The following KCNG3 variants were observed in gnomAD, a reference collection of about 807,000 sequenced individuals.
The protein encoded by KCNG3 is voltage-gated potassium channel regulatory subunit KCNG3.
In KCNG3, 15 loss-of-function variants were observed where a neutral mutation model predicts 29.0. That is an observed-to-expected ratio of 0.52 (90% confidence interval 0.35 to 0.80). The LOEUF (loss-of-function observed/expected upper bound fraction) is 0.80. KCNG3 is among the 30% of genes least tolerant of loss of function. The pLI is 0.01. For synonymous variants in KCNG3, 322 were observed against 248.9 expected (o/e 1.29, Z -2.76); for missense variants, 512 against 605.7 (o/e 0.85, Z 1.62).
At chr2:42,392,172 T>G in the KCNG3 span, among the ~76,000 whole-genome samples, 4 of 152,152 alleles carry the variant, frequency 2.6e-5, no homozygotes, top group Non-Finnish European at 5.9e-5. Context: ...CTTATAGGCA[T>G]GAACTCAGGA....
chr2:42,431,070 C>T, the KCNG3 span, among the ~76,000 whole-genome samples: 4 of 149,378 alleles, frequency 2.7e-5, no homozygotes, highest in African/African-American at 9.9e-5. Flanking sequence ...CATGCCACTG[C>T]ACTCCAGCCT....
chr2:42,472,145 C>A (rs547942832), intron 1 of KCNG3, among the ~76,000 whole-genome samples: 116 of 152,300 alleles, frequency 7.6e-4, no homozygotes, highest in Middle Eastern at 3.4e-3. Flanking sequence ...AGGTCTCCTA[C>A]ATGTGCACTG....
the KCNG3 span, among the ~76,000 whole-genome samples, chr2:42,431,197 A>G: frequency 6.6e-6 from 1 of 152,130 alleles, no homozygotes; most frequent in Non-Finnish European, 1.5e-5. Context: ...GCCATTATTC[A>G]AGCAGCCAAT....
intron 1 of KCNG3, among the ~76,000 whole-genome samples, chr2:42,485,026 T>G (rs1673685835): frequency 6.6e-6 from 1 of 152,234 alleles, no homozygotes. Flanking sequence ...ACTTAAAACC[T>G]ATTGGATTTA....
At chr2:42,394,940 T>C in the KCNG3 span, among the ~76,000 whole-genome samples, 1 of 152,200 alleles carries the variant, frequency 6.6e-6, no homozygotes, top group Non-Finnish European at 1.5e-5. Flanking sequence ...CTCCTTGGTG[T>C]AGTACTGAGC....
the KCNG3 span, among the ~76,000 whole-genome samples, chr2:42,417,957 G>C: frequency 6.6e-6 from 1 of 151,758 alleles, no homozygotes; most frequent in African/African-American, 2.4e-5. Flanking sequence ...GGGTGACAGA[G>C]TGAGACTCCA....
the KCNG3 span, among the ~76,000 whole-genome samples, chr2:42,413,370 A>T: frequency 6.6e-6 from 1 of 152,308 alleles, no homozygotes; most frequent in Admixed American, 6.5e-5. Flanking sequence ...ATATACTAAT[A>T]GTGATCACAG....
chr2:42,407,567 G>A, the KCNG3 span, among the ~76,000 whole-genome samples: 1 of 152,160 alleles, frequency 6.6e-6, no homozygotes, highest in Non-Finnish European at 1.5e-5. Flanking sequence ...AGCTCCCCAG[G>A]TGCAGCCACA....
At chr2:42,446,689 G>A (rs1572841040) in intron 1 of KCNG3, among the ~76,000 whole-genome samples, 1 of 152,072 alleles carries the variant, frequency 6.6e-6, no homozygotes, top group East Asian at 1.9e-4. Flanking sequence ...AGTGGTACTT[G>A]ATGTTACTCA....
chr2:42,411,109 A>G, the KCNG3 span, among the ~76,000 whole-genome samples: 1 of 151,956 alleles, frequency 6.6e-6, no homozygotes, highest in Non-Finnish European at 1.5e-5. Flanking sequence ...CATGCATTTT[A>G]ATCTTTTTGA....
At chr2:42,460,976 G>A (rs1673001006) in intron 1 of KCNG3, among the ~76,000 whole-genome samples, 1 of 151,702 alleles carries the variant, frequency 6.6e-6, no homozygotes, top group Non-Finnish European at 1.5e-5. Context: ...CCTGGCTAAC[G>A]TGGTGAAACC....
At chr2:42,473,962 G>A (rs1203407512) in intron 1 of KCNG3, among the ~76,000 whole-genome samples, 2 of 151,916 alleles carry the variant, frequency 1.3e-5, no homozygotes, top group East Asian at 3.9e-4. Flanking sequence ...GACCAGCCTG[G>A]CCAACATGGT....
chr2:42,437,939 CAAAAAA>C (rs58250880), downstream of KCNG3, among the ~76,000 whole-genome samples: 4 of 74,848 alleles, frequency 5.3e-5, no homozygotes, highest in African/African-American at 9.5e-5. Context: ...ACTCTGTCTC[CAAAAAA>C]AAAAAAAAAA....
In KCNG3 at chr2:42,457,668, C is replaced by CACACACACA. The variant is rs1553327831; in HGVS notation, c.666-13090_666-13089insTGTGTGTGT. Among the ~76,000 whole-genome samples the CACACACACA allele has an allele frequency of 8.2e-3, 1,225 of 149,580 alleles. 6 individuals are homozygous for CACACACACA. The highest frequency in any genetic ancestry group is 0.013 in the Non-Finnish European group (884 of 67,490). The stretch of plus-strand genomic sequence containing the variant: ...ACACACACACACACACACACACACA[C>CACACACACA]AAGGCTGGGCGCAGTGGCTCACACC... On this transcript the variant is annotated intron_variant, in intron 1 of 1. Coordinates refer to ENST00000306078, the MANE Select transcript of KCNG3 (RefSeq NM_133329.6).
At chr2:42,486,709 C>G (rs1273187143) in intron 1 of KCNG3, among the ~76,000 whole-genome samples, 1 of 152,226 alleles carries the variant, frequency 6.6e-6, no homozygotes, top group South Asian at 2.1e-4. Context: ...CTTTCACAAT[C>G]TGAAATGATT....
At chr2:42,460,989 G>A (rs919822558) in intron 1 of KCNG3, among the ~76,000 whole-genome samples, 3 of 151,832 alleles carry the variant, frequency 2.0e-5, no homozygotes, top group Non-Finnish European at 4.4e-5. Context: ...GTGAAACCCC[G>A]TCTCTACTAA....
chr2:42,488,685 G>A (rs1673790456), intron 1 of KCNG3, among the ~76,000 whole-genome samples: 1 of 151,916 alleles, frequency 6.6e-6, no homozygotes, highest in African/African-American at 2.4e-5. Flanking sequence ...GAGTAGCTGG[G>A]ATTGCAGTCA....
intron 1 of KCNG3, chr2:42,463,593 G>C (rs1438739949): frequency 1.0e-4 from 18 of 171,840 alleles, no homozygotes; most frequent in African/African-American, 2.4e-5. Flanking sequence ...GGGCACCCCA[G>C]ATTGAAGCCT....
At chr2:42,469,099 G>A (rs1673220016) in intron 1 of KCNG3, among the ~76,000 whole-genome samples, 1 of 151,164 alleles carries the variant, frequency 6.6e-6, no homozygotes, top group East Asian at 1.9e-4. Context: ...CAGTAATTAA[G>A]ACAGTATAGT....
Sources: allele counts gnomAD v4.1 joint callset (sites outside exome capture counted in the v4.1 genomes callset), GRCh38; gene constraint gnomAD v4.1.1; transcripts MANE v1.5; gene names NCBI Gene and HGNC (gene_info 2026-07-23, HGNC 2026-07-21).